The following EXTL3 variants were observed in gnomAD, a reference collection of about 807,000 sequenced individuals.
The protein encoded by EXTL3 is exostosin like glycosyltransferase 3.
EXTL3 carries 27 observed loss-of-function variants against 69.3 expected under a neutral mutation model. That is an observed-to-expected ratio of 0.39 (90% CI 0.29 to 0.54). The LOEUF is 0.54. Ranked by LOEUF, EXTL3 falls within the 20% of genes least tolerant of loss-of-function variation. The pLI, the probability that EXTL3 is intolerant of heterozygous loss-of-function variation, is 0.69. For synonymous variants in EXTL3, 511 were observed against 499.4 expected (o/e 1.02, Z -0.31); for missense variants, 1,003 against 1,231.8 (o/e 0.81, Z 2.78).
At chr8:28,617,078 G>A (rs1806340125) in intron 2 of EXTL3, among the ~76,000 whole-genome samples, 1 of 152,214 alleles carries the variant, frequency 6.6e-6, no homozygotes, top group African/African-American at 2.4e-5. Context: ...GGCAGGACTT[G>A]CTTTTTAGCC....
chr8:28,746,558 G>A (rs1801892655), intron 6 of EXTL3, among the ~76,000 whole-genome samples: 2 of 152,180 alleles, frequency 1.3e-5, no homozygotes, highest in South Asian at 4.1e-4. Context: ...GGTTAAATAA[G>A]TAAATGTCCA....
intron 1 of EXTL3, among the ~76,000 whole-genome samples, chr8:28,626,130 C>T (rs1050800111): frequency 7.3e-6 from 1 of 137,694 alleles, no homozygotes; most frequent in East Asian, 2.1e-4. Flanking sequence ...TGAGATTGCA[C>T]CATTGCACTA....
chr8:28,645,994 C>G (rs190526918), intron 1 of EXTL3, among the ~76,000 whole-genome samples: 21 of 152,226 alleles, frequency 1.4e-4, no homozygotes, highest in Non-Finnish European at 2.8e-4. Context: ...TCCTGAGTAG[C>G]TGGGACCACA....
intron 1 of EXTL3, among the ~76,000 whole-genome samples, chr8:28,708,484 G>A (rs1800968282): frequency 6.9e-6 from 1 of 144,162 alleles, no homozygotes; most frequent in Admixed American, 7.0e-5. Context: ...TGGGAAATGT[G>A]TTTTAGTGCT....
intron 1 of EXTL3, among the ~76,000 whole-genome samples, chr8:28,654,094 T>G (rs1214396044): frequency 6.6e-6 from 1 of 152,214 alleles, no homozygotes; most frequent in Non-Finnish European, 1.5e-5. Context: ...ACTGATTACA[T>G]TTTAAGTTAG....
At chr8:28,679,370 T>C (rs890855575) in intron 1 of EXTL3, among the ~76,000 whole-genome samples, 1 of 152,058 alleles carries the variant, frequency 6.6e-6, no homozygotes, top group Non-Finnish European at 1.5e-5. Flanking sequence ...CGCTTGAACC[T>C]GGGAGGCAGA....
chr8:28,723,995 C>T (rs1318333250), intron 3 of EXTL3, among the ~76,000 whole-genome samples: 3 of 149,852 alleles, frequency 2.0e-5, no homozygotes, highest in Admixed American at 6.6e-5. Flanking sequence ...TTTTTTTCCA[C>T]GTGTAAATTT....
intron 1 of EXTL3, among the ~76,000 whole-genome samples, chr8:28,661,165 A>G (rs570551190): frequency 4.9e-4 from 75 of 151,986 alleles, no homozygotes; most frequent in African/African-American, 1.7e-3. Context: ...CGCCCGCCTC[A>G]GCCTCCCAAA....
chr8:28,709,318 A>G (rs957480408), intron 1 of EXTL3, among the ~76,000 whole-genome samples: 2 of 150,200 alleles, frequency 1.3e-5, no homozygotes, highest in African/African-American at 5.1e-5. Flanking sequence ...TAAGCATTCA[A>G]TACCTGTTAG....
intron 1 of EXTL3, among the ~76,000 whole-genome samples, chr8:28,673,758 T>C (rs552326932): frequency 6.6e-6 from 1 of 152,330 alleles, no homozygotes; most frequent in African/African-American, 2.4e-5. Context: ...TATCTCTATG[T>C]CTATCTATAT....
intron 1 of EXTL3, among the ~76,000 whole-genome samples, chr8:28,680,116 G>A (rs1585247478): frequency 6.6e-6 from 1 of 151,620 alleles, no homozygotes; most frequent in Admixed American, 6.6e-5. Flanking sequence ...CCTCAGCCGG[G>A]CTCGGTGGCT....
chr8:28,641,140 A>T (rs1427805402), intron 1 of EXTL3, among the ~76,000 whole-genome samples: 1 of 152,206 alleles, frequency 6.6e-6, no homozygotes, highest in Non-Finnish European at 1.5e-5. Flanking sequence ...AAAGAGCCAG[A>T]TATTACACAT....
intron 2 of EXTL3, among the ~76,000 whole-genome samples, chr8:28,617,480 TA>T (rs1806344474): frequency 6.6e-6 from 1 of 152,122 alleles, no homozygotes; most frequent in Non-Finnish European, 1.5e-5. Flanking sequence ...TATTCAGCCA[TA>T]AAAAGAAATG....
chr8:28,616,374 C>T (rs957071044), intron 2 of EXTL3, among the ~76,000 whole-genome samples: 2 of 152,070 alleles, frequency 1.3e-5, no homozygotes, highest in East Asian at 3.9e-4. Context: ...GCCTGTAATC[C>T]CAGCACTTTG....
At chr8:28,658,794 T>C (rs1807056138) in intron 1 of EXTL3, among the ~76,000 whole-genome samples, 1 of 152,166 alleles carries the variant, frequency 6.6e-6, no homozygotes, top group Non-Finnish European at 1.5e-5. Context: ...TTTTTCAGGC[T>C]TGTCTTGAAC....
chr8:28,719,496 C>T (rs543533331), intron 3 of EXTL3, among the ~76,000 whole-genome samples: 41 of 152,296 alleles, frequency 2.7e-4, no homozygotes, highest in African/African-American at 9.6e-4. Flanking sequence ...TGCCTACTTC[C>T]TTCTGTGCAA....
chr8:28,674,364 T>G (rs1303936338), intron 1 of EXTL3, among the ~76,000 whole-genome samples: 1 of 152,176 alleles, frequency 6.6e-6, no homozygotes, highest in Non-Finnish European at 1.5e-5. Flanking sequence ...TGAGCCACCA[T>G]GCCTGGCTTA....
rs1316657932 is a variant in EXTL3 at position 28,715,771 on chromosome 8, T to C, written c.-289T>C. ...TTCCTGGGTTTCATCATCAGGTACC[T>C]CCTCCCTTTCATCTCAGCAAGAATG... On this transcript the variant is annotated 5_prime_UTR_variant, in exon 3 of 7. Coordinates refer to ENST00000220562, the MANE Select transcript of EXTL3 (RefSeq NM_001440.4). The C allele has an allele frequency of 4.6e-6, 2 of 438,650 alleles. No individual in the cohort carries two copies. The highest frequency in any genetic ancestry group is 7.8e-5 in the Admixed American group (2 of 25,618). The allele number at this position is 438,650 out of a possible 1,614,324, so 27.2% of individuals were successfully genotyped here.
intron 1 of EXTL3, chr8:28,710,523 A>G: frequency 2.2e-6 from 1 of 455,494 alleles, no homozygotes; most frequent in South Asian, 1.5e-5. Flanking sequence ...GAGAATTTTT[A>G]TGCTTCTGGA....
Sources: gnomAD v4.1 joint callset for allele counts (sites outside exome capture counted in the v4.1 genomes callset) on GRCh38, gnomAD v4.1.1 for gene constraint, MANE v1.5 for transcripts, NCBI Gene and HGNC (gene_info 2026-07-23, HGNC 2026-07-21) for gene names.